Variants in RASA3 observed in about 807,000 individuals in gnomAD.
The protein encoded by RASA3 is RAS p21 protein activator 3.
Under a neutral mutation model 110.0 loss-of-function variants are expected in RASA3, and 73 were observed. The observed-to-expected ratio is 0.66, with a 90% CI of 0.55 to 0.81. The LOEUF (loss-of-function observed/expected upper bound fraction) is 0.81. Ranked by LOEUF, RASA3 falls within the 30% of genes least tolerant of loss-of-function variation. RASA3 has a pLI of 0.00. For synonymous variants in RASA3, 500 were observed against 451.4 expected, an observed-to-expected ratio of 1.11 and a Z score of -1.37; for missense variants, 976 against 1,113.2, an observed-to-expected ratio of 0.88 and a Z score of 1.75.
At chr13:114,016,456 G>A (rs926092973) in intron 12 of RASA3, among the ~76,000 whole-genome samples, 185 bp from the exon 13 acceptor site, 3 of 152,154 alleles carry the variant, frequency 2.0e-5, no homozygotes, top group South Asian at 2.1e-4. Flanking sequence ...CAGGGCCACC[G>A]TGGGGTGGTG....
At chr13:114,015,684 G>A (rs866004780) in intron 13 of RASA3, among the ~76,000 whole-genome samples, 5 of 152,252 alleles carry the variant, frequency 3.3e-5, no homozygotes, top group Admixed American at 1.3e-4. Flanking sequence ...AGTATCATGT[G>A]AAGTGACTAA....
intron 1 of RASA3, among the ~76,000 whole-genome samples, chr13:114,076,516 C>G (rs1183618899): frequency 2.0e-5 from 3 of 151,922 alleles, no homozygotes; most frequent in Admixed American, 1.3e-4. Context: ...ACGCAGCGCA[C>G]ACACGCAGCA....
rs138549598 is a variant in RASA3, at chr13:114,112,515, C to T, written c.55+19920G>A. On this transcript the variant is annotated intron_variant, in intron 1 of 23. Coordinates refer to ENST00000334062, the MANE Select transcript of RASA3 (RefSeq NM_007368.4). The surrounding 1 kb of genome is among the most constrained non-coding windows in gnomAD (Gnocchi z 4.8). The stretch of plus-strand genomic sequence containing the variant: ...CTCTGCAGGGCCGGTGGAAAGAGAT[C>T]GCCAGCCCCAGCTCTGTAGGGGTGC... Among the ~76,000 whole-genome samples, 1,466 of 152,286 alleles carry T rather than the reference C, an allele frequency of 9.6e-3. 18 individuals carry two copies. The highest frequency in any genetic ancestry group is 0.058 in the Middle Eastern group (17 of 294).
chr13:114,002,233 AAG>A (rs1215856812), intron 18 of RASA3, among the ~76,000 whole-genome samples: 3 of 152,214 alleles, frequency 2.0e-5, no homozygotes, highest in Admixed American at 1.3e-4. Flanking sequence ...AGAAATCGGA[AAG>A]AGGGGCTTTG....
At chr13:114,013,688 A>G (rs1239887780) in intron 14 of RASA3, among the ~76,000 whole-genome samples, 3 of 22,696 alleles carry the variant, frequency 1.3e-4, no homozygotes, top group South Asian at 2.1e-3. Context: ...CTCTCTCCCT[A>G]TCTCTGTCTC....
At chr13:114,105,003 G>GA (rs1566577578) in intron 1 of RASA3, among the ~76,000 whole-genome samples, 1 of 150,074 alleles carries the variant, frequency 6.7e-6, no homozygotes, top group Non-Finnish European at 1.5e-5. Flanking sequence ...TCGGCCCCCC[G>GA]AGCCCAGCTT....
At chr13:114,120,067 G>C (rs1327876235) in intron 1 of RASA3, among the ~76,000 whole-genome samples, 1 of 123,362 alleles carries the variant, frequency 8.1e-6, no homozygotes, top group Non-Finnish European at 1.6e-5. Flanking sequence ...GCCAGGCGTC[G>C]ATCAGGGCCC....
intron 4 of RASA3, among the ~76,000 whole-genome samples, chr13:114,034,052 C>T (rs141910623): frequency 3.9e-4 from 60 of 152,294 alleles, no homozygotes; most frequent in Middle Eastern, 6.8e-3. Flanking sequence ...CGTGGCTATC[C>T]ATGGGCTAAA....
chr13:114,038,697 A>C (rs147572218), intron 4 of RASA3, among the ~76,000 whole-genome samples: 1 of 152,172 alleles, frequency 6.6e-6, no homozygotes, highest in South Asian at 2.1e-4. Context: ...GAGGGTTGCC[A>C]GGGCAAGACG....
intron 2 of RASA3, among the ~76,000 whole-genome samples, chr13:114,068,648 A>C (rs567443135): frequency 1.3e-5 from 2 of 152,220 alleles, no homozygotes; most frequent in African/African-American, 4.8e-5. Context: ...GCTGGTTCCC[A>C]AGCCCCAGCC....
At chr13:114,121,010 G>A (rs142129253) in intron 1 of RASA3, among the ~76,000 whole-genome samples, 2 of 152,374 alleles carry the variant, frequency 1.3e-5, no homozygotes, top group African/African-American at 2.4e-5. Context: ...GGACTCCCCT[G>A]TAACATGCAG....
At chr13:114,130,741 C>G (rs958510772) in intron 1 of RASA3, among the ~76,000 whole-genome samples, 1 of 152,152 alleles carries the variant, frequency 6.6e-6, no homozygotes, top group African/African-American at 2.4e-5. Flanking sequence ...CGGCTGTGGG[C>G]CCCCCACCCC....
At position 114,027,197 on chromosome 13, in the gene RASA3, G is replaced by A. The variant is rs531671494; in HGVS notation, c.603+192C>T. On this transcript the variant is annotated intron_variant, in intron 7 of 23. Coordinates refer to ENST00000334062, the MANE Select transcript of RASA3 (RefSeq NM_007368.4). ...TGGCTGGCTGGGCTCGCTCCTCTCC[G>A]GAAGGAACCCAGGGCCGGCCGGCGG... Among the ~76,000 whole-genome samples the A allele has an allele frequency of 4.6e-5, 7 of 151,992 alleles. No individual in the cohort carries two copies. In the South Asian group the frequency reaches 6.2e-4, roughly 14 times the overall value.
intron 2 of RASA3, among the ~76,000 whole-genome samples, chr13:114,063,253 C>T (rs1179588269): frequency 6.6e-6 from 1 of 151,746 alleles, no homozygotes; most frequent in Non-Finnish European, 1.5e-5. Flanking sequence ...TTCCAGGAAA[C>T]ATCCTCCTGG....
intron 2 of RASA3, among the ~76,000 whole-genome samples, chr13:114,066,839 G>A (rs1372513180): frequency 3.9e-5 from 6 of 152,222 alleles, no homozygotes; most frequent in Non-Finnish European, 8.8e-5. Flanking sequence ...GGAGATTTGG[G>A]GCCAGCATTC....
In RASA3 at chr13:114,011,321, C is replaced by T. The variant is rs2053633776; in HGVS notation, c.1513-73G>A. 16 of 1,329,530 alleles carry T rather than the reference C, an allele frequency of 1.2e-5. No homozygotes were observed. The highest frequency in any genetic ancestry group is 4.7e-5 in the East Asian group (2 of 42,750). 82.4% of individuals were successfully genotyped at this position (1,329,530 alleles called of 1,614,324 possible). A position where few individuals can be genotyped will look rare whatever the true frequency, so the allele number is the denominator to read the frequency against. On this transcript the variant is annotated intron_variant, in intron 15 of 23. Transcript: ENST00000334062. This position sits in a 1 kb window ranked among gnomAD's most constrained non-coding sequence, Gnocchi z 4.8. ...CTGTGACTGTCCCAGATCGAGGGGA[C>T]GAAATGCAGGAGTCACCTCAGAGCT... is the stretch of plus-strand genomic sequence containing the variant.
Position 114,114,102 on chromosome 13 carries a change from T to C in RASA3, c.55+18333A>G, listed in dbSNP as rs2080249791. ...CAGCAAGTGTCTGCGATGTCTGTAG[T>C]GTCTGCGATGTCTGTAGTATCTGCA... On this transcript the variant is annotated intron_variant, in intron 1 of 23. Transcript: ENST00000334062. The surrounding 1 kb of genome is among the most constrained non-coding windows in gnomAD (Gnocchi z 4.8). Among the ~76,000 whole-genome samples, 1 of 152,144 alleles carries C rather than the reference T, an allele frequency of 6.6e-6. No homozygotes were observed. The highest frequency in any genetic ancestry group is 1.5e-5 in the Non-Finnish European group (1 of 68,024).
intron 13 of RASA3, 37 bp from the exon 14 acceptor site, chr13:114,015,369 G>A (rs781571470): frequency 1.9e-6 from 3 of 1,609,000 alleles, no homozygotes; most frequent in East Asian, 2.2e-5. Flanking sequence ...CACTCCCGAG[G>A]CTGCCCACAG....
intron 1 of RASA3, among the ~76,000 whole-genome samples, chr13:114,083,267 G>C (rs970456070): frequency 3.3e-5 from 5 of 152,236 alleles, no homozygotes; most frequent in Non-Finnish European, 1.5e-5. Flanking sequence ...ATTTAATTCA[G>C]GGTAGCAAGA....
Sources: allele counts gnomAD v4.1 joint callset (sites outside exome capture counted in the v4.1 genomes callset), GRCh38; gene constraint gnomAD v4.1.1; non-coding constraint Gnocchi (gnomAD v3.1); transcripts MANE v1.5; gene names NCBI Gene and HGNC (gene_info 2026-07-23, HGNC 2026-07-21).